Variants in CELF2 observed in about 807,000 individuals in gnomAD.
The protein encoded by CELF2 is CUG triplet repeat RNA-binding protein 2.
Under a neutral mutation model 62.6 loss-of-function variants are expected in CELF2, and 8 were observed. That is an observed-to-expected ratio of 0.13 (90% confidence interval 0.07 to 0.23). The LOEUF (loss-of-function observed/expected upper bound fraction) is 0.23. Ranked by LOEUF, CELF2 falls within the 10% of genes least tolerant of loss-of-function variation. CELF2 has a pLI of 1.00. For synonymous variants in CELF2, 258 were observed against 250.0 expected (o/e 1.03, Z -0.30); for missense variants, 333 against 671.0 (o/e 0.50, Z 5.56).
chr10:10,906,891 G>C (rs763788037), intron 1 of CELF2, among the ~76,000 whole-genome samples: 3 of 151,670 alleles, frequency 2.0e-5, no homozygotes, highest in Non-Finnish European at 2.9e-5. Context: ...GCTAATTTTC[G>C]TATTTTTAGT....
chr10:11,003,113 G>A (rs1187835897), upstream of CELF2, among the ~76,000 whole-genome samples: 1 of 152,178 alleles, frequency 6.6e-6, no homozygotes, highest in Non-Finnish European at 1.5e-5. The surrounding 1 kb of genome is among the most constrained non-coding windows in gnomAD (Gnocchi z 4.4). Flanking sequence ...TGGATGTAAA[G>A]CCCTCAATCT....
chr10:10,824,309 T>G (rs1432979201), intron 1 of CELF2, among the ~76,000 whole-genome samples: 1 of 152,180 alleles, frequency 6.6e-6, no homozygotes, highest in Non-Finnish European at 1.5e-5. Context: ...CAAAATGTAT[T>G]TATTTATTTG....
At chr10:11,095,705 A>T (rs1260762363) in intron 1 of CELF2, among the ~76,000 whole-genome samples, 1 of 152,166 alleles carries the variant, frequency 6.6e-6, no homozygotes, top group African/African-American at 2.4e-5. Flanking sequence ...AGAAAAAGAG[A>T]GTGATGGAGG....
chr10:11,189,803 C>T (rs2075868656), intron 2 of CELF2, among the ~76,000 whole-genome samples: 1 of 152,226 alleles, frequency 6.6e-6, no homozygotes, highest in Admixed American at 6.5e-5. Flanking sequence ...AATTCCAGCA[C>T]CAGCGATGGT....
At chr10:10,909,637 A>G (rs964663290) in intron 1 of CELF2, among the ~76,000 whole-genome samples, 1 of 152,184 alleles carries the variant, frequency 6.6e-6, no homozygotes, top group Non-Finnish European at 1.5e-5. Flanking sequence ...CCTCTTGTCC[A>G]TGTTATCTGC....
chr10:11,106,195 T>G (rs184637756), intron 1 of CELF2, among the ~76,000 whole-genome samples: 1 of 145,182 alleles, frequency 6.9e-6, no homozygotes. Context: ...ACTTTTATTT[T>G]ATTTTACTTT....
intron 3 of CELF2, among the ~76,000 whole-genome samples, chr10:11,230,897 G>A (rs77596569): frequency 0.016 from 2,369 of 152,348 alleles, 65 homozygotes; most frequent in African/African-American, 0.054. Flanking sequence ...GCATCGGAGT[G>A]TAGAGTCCTG....
chr10:10,478,763 T>C, the CELF2 span, among the ~76,000 whole-genome samples: 1 of 152,170 alleles, frequency 6.6e-6, no homozygotes, highest in Non-Finnish European at 1.5e-5. Flanking sequence ...CCAGACACTT[T>C]TGGAAGCAGA....
At chr10:11,186,049 T>G (rs187129969) in intron 2 of CELF2, among the ~76,000 whole-genome samples, 160 of 152,342 alleles carry the variant, frequency 1.1e-3, no homozygotes, top group African/African-American at 3.6e-3. Context: ...TATTTTTCTT[T>G]GAGTGCATTT....
intron 2 of CELF2, among the ~76,000 whole-genome samples, chr10:10,975,574 C>T (rs1001082592): frequency 5.9e-5 from 9 of 152,222 alleles, no homozygotes; most frequent in African/African-American, 2.2e-4. Context: ...CCATCTAATT[C>T]ATGGAGATCT....
intron 1 of CELF2, among the ~76,000 whole-genome samples, chr10:11,120,591 GGA>G (rs141991838): frequency 0.069 from 10,453 of 152,178 alleles, 427 homozygotes; most frequent in African/African-American, 0.1. Flanking sequence ...TGCCACTCAG[GGA>G]GAGCACTCTT....
rs1243658047 is a variant in CELF2 at position 11,316,126 on chromosome 10, T to C, written c.1096+1868T>C. On this transcript the variant is annotated intron_variant, in intron 10 of 12. Coordinates refer to ENST00000633077, the MANE Select transcript of CELF2 (RefSeq NM_001326342.2). The surrounding 1 kb of genome is among the most constrained non-coding windows in gnomAD (Gnocchi z 4.4). ...TGAATGGCAGAGAAACCATGAGTAG[T>C]TCTTGTGTGGGGTCTTGTGTGATAC... is the stretch of plus-strand genomic sequence containing the variant. Among the ~76,000 whole-genome samples the C allele has an allele frequency of 1.3e-5, 2 of 152,348 alleles. No individual in the cohort carries two copies. Among genetic ancestry groups the C allele is most frequent in the South Asian group, 2.1e-4 (1 of 4,830 alleles).
chr10:10,791,486 C>CTAAATTATCAATAAA, the CELF2 span, among the ~76,000 whole-genome samples: 381 of 152,232 alleles, frequency 2.5e-3, 2 homozygotes, highest in African/African-American at 8.9e-3. Flanking sequence ...TAAATTATGA[C>CTAAATTATCAATAAA]TTTAGAAATG....
chr10:11,264,596 T>C (rs2081631022), intron 5 of CELF2, among the ~76,000 whole-genome samples: 1 of 152,236 alleles, frequency 6.6e-6, no homozygotes, highest in Non-Finnish European at 1.5e-5. Flanking sequence ...CTGTTAATAA[T>C]GCCAGGGATG....
chr10:11,069,613 G>A (rs1564607101), intron 1 of CELF2, among the ~76,000 whole-genome samples: 1 of 152,222 alleles, frequency 6.6e-6, no homozygotes, highest in Non-Finnish European at 1.5e-5. Flanking sequence ...TATGGAAAAT[G>A]TACTTCATAT....
rs796857171 is a variant in CELF2 at position 10,908,214 on chromosome 10, A to ATTTTTTTTTTTTT, written c.54-11739_54-11727dup. Among the ~76,000 whole-genome samples, 121 of 83,730 alleles carry ATTTTTTTTTTTTT rather than the reference A, an allele frequency of 1.4e-3. 24 individuals are homozygous for ATTTTTTTTTTTTT. The highest frequency in any genetic ancestry group is 2.1e-3 in the Non-Finnish European group (103 of 48,292). The allele number at this position is 83,730 out of a possible 152,430, so 54.9% of individuals were successfully genotyped here. A position where few individuals can be genotyped will look rare whatever the true frequency, so the allele number is the denominator to read the frequency against. On this transcript the variant is annotated intron_variant, in intron 1 of 13. Transcript: ENST00000636488. ...TCCTTGTCAAAGAATGTATGAGGGG[A>ATTTTTTTTTTTTT]TTTTTTTTTTTTTTTTTTTTTTTGA...
chr10:11,084,422 G>T (rs2074872870), intron 1 of CELF2, among the ~76,000 whole-genome samples: 1 of 152,220 alleles, frequency 6.6e-6, no homozygotes, highest in African/African-American at 2.4e-5. Flanking sequence ...TAAGTGTGCT[G>T]TACAAAATGC....
At chr10:10,568,335 A>C in the CELF2 span, among the ~76,000 whole-genome samples, 1 of 152,126 alleles carries the variant, frequency 6.6e-6, no homozygotes, top group African/African-American at 2.4e-5. Context: ...GTGAAGAAGA[A>C]AGGTCCCAGA....
chr10:11,184,926 TAGTG>T (rs142661169), intron 2 of CELF2, among the ~76,000 whole-genome samples: 3,669 of 152,232 alleles, frequency 0.024, 136 homozygotes, highest in African/African-American at 0.083. Context: ...TGAATAGAAA[TAGTG>T]AGAGCAGACA....
Sources: gnomAD v4.1 joint callset for allele counts (sites outside exome capture counted in the v4.1 genomes callset) on GRCh38, gnomAD v4.1.1 for gene constraint, Gnocchi (gnomAD v3.1) non-coding constraint, MANE v1.5 for transcripts, NCBI Gene and HGNC (gene_info 2026-07-23, HGNC 2026-07-21) for gene names.